ADRA1B: variants seen among roughly 807,000 people sequenced by gnomAD.
ADRA1B encodes the protein adrenoceptor alpha 1B.
In ADRA1B, 17 loss-of-function variants were observed where a neutral mutation model predicts 17.9. The observed-to-expected ratio is 0.95, with a 90% CI of 0.65 to 1.42. The LOEUF (loss-of-function observed/expected upper bound fraction) is 1.42. ADRA1B is among the 40% of genes most tolerant of loss of function. The probability of loss-of-function intolerance (pLI) is 0.00; values close to 1 mark genes in which losing one functional copy is unlikely to be tolerated. For synonymous variants in ADRA1B, 366 were observed against 327.6 expected, an observed-to-expected ratio of 1.12 and a Z score of -1.27; for missense variants, 681 against 722.1, an observed-to-expected ratio of 0.94 and a Z score of 0.65.
At chr5:159,883,936 A>G (rs1404269868) in intron 1 of ADRA1B, among the ~76,000 whole-genome samples, 2 of 152,182 alleles carry the variant, frequency 1.3e-5, no homozygotes, top group Non-Finnish European at 2.9e-5. Flanking sequence ...CAATAGGCTC[A>G]TATATACCCT....
intron 1 of ADRA1B, among the ~76,000 whole-genome samples, chr5:159,881,516 T>C (rs1377141249): frequency 6.6e-6 from 1 of 152,212 alleles, no homozygotes; most frequent in East Asian, 1.9e-4. Context: ...TGTCAGCATC[T>C]AAATGACAGA....
intron 1 of ADRA1B, among the ~76,000 whole-genome samples, chr5:159,962,905 T>G (rs1380142654): frequency 1.4e-5 from 2 of 145,658 alleles, no homozygotes; most frequent in Non-Finnish European, 3.0e-5. Flanking sequence ...TCTTTTTCTT[T>G]TCTTTCTTTC....
Position 159,916,676 on chromosome 5 carries a change from G to A in ADRA1B, c.-230G>A. On this transcript the variant is annotated 5_prime_UTR_variant, in exon 1 of 2. Transcript: ENST00000306675. ...GTGGACCATTAAACTTGGAGCTGCC[G>A]CCTCGTCCCCTCTCCTCCTCCTCCT... The A allele has an allele frequency of 2.3e-6, 1 of 440,400 alleles. No homozygotes were observed. Among genetic ancestry groups the A allele is most frequent in the Non-Finnish European group, 4.0e-6 (1 of 247,930 alleles). The allele number at this position is 440,400 out of a possible 1,614,324, so 27.3% of individuals were successfully genotyped here. A position where few individuals can be genotyped will look rare whatever the true frequency, so the allele number is the denominator to read the frequency against.
At chr5:159,898,680 TG>T (rs367722444) in intron 1 of ADRA1B, among the ~76,000 whole-genome samples, 41 of 152,354 alleles carry the variant, frequency 2.7e-4, no homozygotes, top group African/African-American at 9.6e-4. Flanking sequence ...AATGTTACCA[TG>T]GCCGTATTGA....
intron 1 of ADRA1B, among the ~76,000 whole-genome samples, chr5:159,919,515 A>T (rs1053007694): frequency 2.0e-5 from 3 of 152,264 alleles, no homozygotes; most frequent in African/African-American, 7.2e-5. Flanking sequence ...TGGAGTTTGC[A>T]TTAATGTATA....
intron 1 of ADRA1B, among the ~76,000 whole-genome samples, chr5:159,928,390 C>G (rs1378563881): frequency 6.6e-6 from 1 of 152,150 alleles, no homozygotes; most frequent in Non-Finnish European, 1.5e-5. Context: ...CACACTCACC[C>G]GCAGCTCATC....
At chr5:159,951,850 C>T (rs1393802833) in intron 1 of ADRA1B, among the ~76,000 whole-genome samples, 2 of 152,206 alleles carry the variant, frequency 1.3e-5, no homozygotes, top group Non-Finnish European at 2.9e-5. Flanking sequence ...TGAAAACTCA[C>T]TCTTTGCTCT....
the ADRA1B span, among the ~76,000 whole-genome samples, chr5:159,985,798 G>C: frequency 3.3e-5 from 5 of 152,330 alleles, no homozygotes; most frequent in African/African-American, 1.2e-4. Flanking sequence ...TGGTGACAAA[G>C]CCTGATCCTG....
intron 1 of ADRA1B, among the ~76,000 whole-genome samples, chr5:159,885,344 C>T (rs1753911865): frequency 6.6e-6 from 1 of 152,194 alleles, no homozygotes; most frequent in Non-Finnish European, 1.5e-5. Context: ...TCAGGTGAAA[C>T]TGACTGCAGC....
intron 1 of ADRA1B, among the ~76,000 whole-genome samples, chr5:159,941,060 T>A (rs1442930337): frequency 6.6e-6 from 1 of 152,248 alleles, no homozygotes; most frequent in African/African-American, 2.4e-5. Context: ...ACTTCTCCGA[T>A]AACTTTATGG....
At chr5:159,960,322 C>T (rs543058637) in intron 1 of ADRA1B, among the ~76,000 whole-genome samples, 3 of 152,282 alleles carry the variant, frequency 2.0e-5, no homozygotes, top group East Asian at 3.9e-4. Context: ...ATTGCAGCCA[C>T]GTTGAATAGG....
At chr5:159,964,775 T>C (rs1439766170) in intron 1 of ADRA1B, among the ~76,000 whole-genome samples, 1 of 152,200 alleles carries the variant, frequency 6.6e-6, no homozygotes, top group Non-Finnish European at 1.5e-5. Flanking sequence ...ACACAGCACA[T>C]AGACCTCATC....
chr5:159,896,816 T>A (rs1754045333), intron 1 of ADRA1B, among the ~76,000 whole-genome samples: 2 of 152,130 alleles, frequency 1.3e-5, no homozygotes, highest in South Asian at 4.1e-4. Context: ...TTTCTCCAAG[T>A]CACCAAGTCA....
At chr5:159,914,579 A>G (rs1434591825), upstream of ADRA1B, among the ~76,000 whole-genome samples, 1 of 152,166 alleles carries the variant, frequency 6.6e-6, no homozygotes, top group African/African-American at 2.4e-5. Context: ...AGATTTCTTA[A>G]CCCGAGGGAA....
intron 1 of ADRA1B, chr5:159,868,591 T>C (rs1753694410): frequency 6.6e-6 from 1 of 152,224 alleles, no homozygotes; most frequent in Non-Finnish European, 1.5e-5. Context: ...AGAAACGATT[T>C]GGTGGATAGA....
Position 159,917,311 on chromosome 5 carries a change from CTG to C in ADRA1B, c.409_410del (p.Cys137ArgfsTer55). ...VLCCTASILSLCAISIDRYIG... is the reference protein window; with the variant it reads ...VLCCTASILSXCAISIDRYIG... ...GTGCTGCACAGCGTCCATTCTGAGC[CTG>C]TGCGCCATCTCCATCGATCGCTACA... On this transcript the variant is annotated frameshift_variant, in exon 1 of 2. Coordinates refer to ENST00000306675, the MANE Select transcript of ADRA1B (RefSeq NM_000679.4). LOFTEE classifies it high-confidence loss of function. The C allele has an allele frequency of 5.0e-6, 8 of 1,614,110 alleles. No individual in the cohort carries two copies. The highest frequency in any genetic ancestry group is 6.8e-6 in the Non-Finnish European group (8 of 1,180,026).
intron 1 of ADRA1B, among the ~76,000 whole-genome samples, chr5:159,873,868 T>G (rs1362950088): frequency 6.6e-6 from 1 of 152,144 alleles, no homozygotes; most frequent in Non-Finnish European, 1.5e-5. Context: ...TTGATGATGA[T>G]CCATTGCTTC....
At chr5:159,878,264 G>A (rs13169166) in intron 1 of ADRA1B, among the ~76,000 whole-genome samples, 40,048 of 152,078 alleles carry the variant, frequency 0.26, 5,441 homozygotes, top group Middle Eastern at 0.28. Context: ...GGACTAACAG[G>A]AAAGCACATG....
intron 1 of ADRA1B, among the ~76,000 whole-genome samples, chr5:159,886,256 T>G (rs984266811): frequency 3.3e-5 from 5 of 152,236 alleles, no homozygotes; most frequent in African/African-American, 1.2e-4. Context: ...TTCTAATCTT[T>G]GATCACATTC....
Sources: gnomAD v4.1 joint callset for allele counts (sites outside exome capture counted in the v4.1 genomes callset) on GRCh38, gnomAD v4.1.1 for gene constraint, MANE v1.5 for transcripts, NCBI Gene and HGNC (gene_info 2026-07-23, HGNC 2026-07-21) for gene names.